ABCC2: variants seen among roughly 807,000 people sequenced by gnomAD.
ABCC2 encodes ATP-binding cassette sub-family C member 2.
ABCC2 carries 157 observed loss-of-function variants against 173.4 expected under a neutral mutation model. The ratio of observed to expected loss-of-function variants is 0.91; its 90% confidence interval spans 0.80 to 1.03. The LOEUF (loss-of-function observed/expected upper bound fraction) is 1.03. ABCC2 is among the 50% of genes least tolerant of loss of function. The probability of loss-of-function intolerance (pLI) is 0.00; values close to 1 mark genes in which losing one functional copy is unlikely to be tolerated. For synonymous variants in ABCC2, 657 were observed against 693.5 expected (o/e 0.95, Z 0.83); for missense variants, 1,822 against 1,852.3 (o/e 0.98, Z 0.30).
chr10:99,805,514 C>T, intron 11 of ABCC2, 67 bp downstream of exon 11: 1 of 1,498,180 alleles, frequency 6.7e-7, no homozygotes, highest in Non-Finnish European at 9.3e-7. Context: ...TTGGCCTTTG[C>T]AAACCCTGGT....
chr10:99,847,303 T>C (rs974985865), intron 30 of ABCC2, among the ~76,000 whole-genome samples, 176 bp downstream of exon 30: 1 of 152,244 alleles, frequency 6.6e-6, no homozygotes, highest in Non-Finnish European at 1.5e-5. Context: ...GAAAGTGCTT[T>C]AAAACTCTTG....
chr10:99,839,565 ACC>A (rs1190281055), intron 25 of ABCC2, among the ~76,000 whole-genome samples: 1 of 6,258 alleles, frequency 1.6e-4, no homozygotes. Context: ...CGGGGGGCTG[ACC>A]CCCCCCCACC....
At chr10:99,782,967 C>A in intron 1 of ABCC2, 90 bp downstream of exon 1, 2 of 1,345,950 alleles carry the variant, frequency 1.5e-6, no homozygotes, top group Non-Finnish European at 1.1e-6. Flanking sequence ...CAACAAGAAC[C>A]AGAAATGTTA....
chr10:99,817,512 G>C, intron 17 of ABCC2, 28 bp downstream of exon 17: 1 of 1,612,042 alleles, frequency 6.2e-7, no homozygotes, highest in East Asian at 2.2e-5. Context: ...GGATCTTCAA[G>C]GGTGAAGGCA....
rs201974074 is a variant in ABCC2 at position 99,794,457 on chromosome 10, C to A, written c.621C>A (p.Ser207Arg). 2 of 1,613,534 alleles carry A rather than the reference C, an allele frequency of 1.2e-6. No individual in the cohort carries two copies. Among genetic ancestry groups the A allele is most frequent in the Non-Finnish European group, 1.7e-6 (2 of 1,179,622 alleles). The change falls in exon 6 of 32, where the codon AGC becomes AGA. Residue 207 changes from serine to arginine, a missense_variant. Transcript: ENST00000647814. ...IASFLSSITY[S>R]WYDSIILKGY... ...CATTCCTGAGTAGCATTACCTACAG[C>A]TGGTATGACAGGTAGGAAAGCCTGG... is the stretch of plus-strand genomic sequence containing the variant.
chr10:99,850,090 TA>T (rs2039067659), intron 30 of ABCC2, among the ~76,000 whole-genome samples: 1 of 152,226 alleles, frequency 6.6e-6, no homozygotes. Context: ...AATTACACAT[TA>T]AAATAATAAA....
chr10:99,801,528 G>A (rs1003307840), intron 9 of ABCC2, among the ~76,000 whole-genome samples: 11 of 152,156 alleles, frequency 7.2e-5, no homozygotes, highest in African/African-American at 1.7e-4. Flanking sequence ...GAGCCAACGC[G>A]CCTGGCCGAT....
intron 10 of ABCC2, among the ~76,000 whole-genome samples, chr10:99,804,935 A>C (rs945346905): frequency 2.0e-5 from 3 of 152,228 alleles, no homozygotes; most frequent in Non-Finnish European, 4.4e-5. Flanking sequence ...CACAAAGAAG[A>C]AAAATATCAG....
At chr10:99,806,026 T>G (rs946844651) in intron 11 of ABCC2, among the ~76,000 whole-genome samples, 5 of 151,968 alleles carry the variant, frequency 3.3e-5, no homozygotes, top group African/African-American at 1.2e-4. Flanking sequence ...TGTCCATGCA[T>G]GATATTTAAT....
intron 11 of ABCC2, among the ~76,000 whole-genome samples, chr10:99,806,022 T>A (rs2038093435): frequency 6.6e-6 from 1 of 151,958 alleles, no homozygotes; most frequent in Non-Finnish European, 1.5e-5. Flanking sequence ...AAAATGTCCA[T>A]GCATGATATT....
chr10:99,825,458 T>A (rs1199345501), intron 19 of ABCC2, among the ~76,000 whole-genome samples: 1 of 152,292 alleles, frequency 6.6e-6, no homozygotes, highest in Non-Finnish European at 1.5e-5. Flanking sequence ...CACAGGTCTG[T>A]TCTCTGAGAC....
chr10:99,845,508 G>A, intron 28 of ABCC2, 116 bp from the exon 29 acceptor site: 1 of 1,326,388 alleles, frequency 7.5e-7, no homozygotes. Context: ...TAATATCTTA[G>A]AGATGGAGTA....
At chr10:99,828,786 G>A in intron 19 of ABCC2, among the ~76,000 whole-genome samples, 1 of 151,934 alleles carries the variant, frequency 6.6e-6, no homozygotes, top group East Asian at 1.9e-4. Flanking sequence ...TGTGGGTGGT[G>A]GGGAGCATGT....
In ABCC2 at chr10:99,851,873, A is replaced by G. The variant is rs2039092757; in HGVS notation, c.*242A>G. 1 of 410,356 alleles carries G rather than the reference A, an allele frequency of 2.4e-6. No individual in the cohort carries two copies. The highest frequency in any genetic ancestry group is 2.0e-5 in the African/African-American group (1 of 49,226). The allele number at this position is 410,356 out of a possible 1,614,324, so 25.4% of individuals were successfully genotyped here. On this transcript the variant is annotated 3_prime_UTR_variant, in exon 32 of 32. Coordinates refer to ENST00000647814, the MANE Select transcript of ABCC2 (RefSeq NM_000392.5). ...CTACCCACCCCTCCCAGGGACAACCACTGTCCTGAATTTCACGATAATTAT... is the reference window on the plus strand; with the variant it reads ...CTACCCACCCCTCCCAGGGACAACCGCTGTCCTGAATTTCACGATAATTAT...
Position 99,847,000 on chromosome 10 carries a change from G to A in ABCC2, c.4186G>A (p.Asp1396Asn), listed in dbSNP as rs748027575. The change falls in exon 30 of 32, where the codon GAC becomes AAC. Residue 1396 changes from aspartate (D) to asparagine (N), a missense_variant. By Grantham distance (23) the Asp-to-Asn change is conservative. Coordinates refer to ENST00000647814, the MANE Select transcript of ABCC2 (RefSeq NM_000392.5). The stretch of plus-strand genomic sequence containing the variant: ...CTCTGGAAGCCTGAGGATGAATCTC[G>A]ACCCTTTCAACAACTACTCAGATGA... ...LFSGSLRMNL[D>N]PFNNYSDEEI... The A allele has an allele frequency of 7.4e-6, 12 of 1,613,992 alleles. No homozygotes were observed. The highest frequency in any genetic ancestry group is 1.6e-4 in the Middle Eastern group (1 of 6,084).
At chr10:99,834,576 A>G (rs771648404) in intron 24 of ABCC2, 41 bp downstream of exon 24, 1 of 1,601,636 alleles carries the variant, frequency 6.2e-7, no homozygotes, top group African/African-American at 1.3e-5. Flanking sequence ...CTTCCTCTCT[A>G]TCTATAAAAG....
Position 99,830,697 on chromosome 10 carries a change from G to A in ABCC2, c.2748-19G>A. Reference sequence around the variant, plus strand: ...CCTTGGGAATTGCCTGCATGCTCAGGGAAGCTTCCCTCTCTCAGTTCTAGG... The same window carrying A: ...CCTTGGGAATTGCCTGCATGCTCAGAGAAGCTTCCCTCTCTCAGTTCTAGG... On this transcript the variant is annotated intron_variant, in intron 20 of 31. Coordinates refer to ENST00000647814, the MANE Select transcript of ABCC2 (RefSeq NM_000392.5). The A allele has an allele frequency of 6.2e-7, 1 of 1,613,992 alleles. No individual in the cohort carries two copies. Among genetic ancestry groups the A allele is most frequent in the African/African-American group, 1.3e-5 (1 of 74,996 alleles).
At chr10:99,809,156 C>A (rs2281637) in intron 13 of ABCC2, among the ~76,000 whole-genome samples, 15,379 of 152,034 alleles carry the variant, frequency 0.1, 961 homozygotes, top group East Asian at 0.29. Flanking sequence ...AGTTTGAGAC[C>A]AGCCTGGCCA....
rs2038056772 is a variant in ABCC2, at chr10:99,804,079, A to C, written c.1270A>C (p.Met424Leu). The C allele has an allele frequency of 6.2e-7, 1 of 1,614,070 alleles. No homozygotes were observed. The highest frequency in any genetic ancestry group is 1.3e-5 in the African/African-American group (1 of 74,928). Residue 424 changes from methionine to leucine, a missense_variant, in exon 10 of 32, where the codon ATG becomes CTG. Coordinates refer to ENST00000647814, the MANE Select transcript of ABCC2 (RefSeq NM_000392.5). The part of the protein sequence containing the change: ...EYTVGETVNL[M>L]SVDAQKLMDV... ...CACCGTTGGAGAAACAGTGAACCTGATGTCTGTGGATGCCCAGAAGCTCAT... is the reference window on the plus strand; with the variant it reads ...CACCGTTGGAGAAACAGTGAACCTGCTGTCTGTGGATGCCCAGAAGCTCAT...
Sources: allele counts gnomAD v4.1 joint callset (sites outside exome capture counted in the v4.1 genomes callset), GRCh38; gene constraint gnomAD v4.1.1; transcripts MANE v1.5; gene names NCBI Gene and HGNC (gene_info 2026-07-23, HGNC 2026-07-21).